Variants in FANCC observed in about 807,000 individuals in gnomAD.
The protein encoded by FANCC is FA complementation group C.
In FANCC, 55 loss-of-function variants were observed where a neutral mutation model predicts 71.3. That is an observed-to-expected ratio of 0.77 (90% CI 0.62 to 0.97). The LOEUF (loss-of-function observed/expected upper bound fraction) is 0.97, where lower values mean the gene tolerates loss of function less well. Ranked by LOEUF, FANCC falls within the 50% of genes least tolerant of loss-of-function variation. The pLI, the probability that FANCC is intolerant of heterozygous loss-of-function variation, is 0.00. For synonymous variants in FANCC, 275 were observed against 244.9 expected (o/e 1.12, Z -1.15); for missense variants, 678 against 670.9 (o/e 1.01, Z -0.12).
intron 1 of FANCC, among the ~76,000 whole-genome samples, chr9:95,260,684 T>TAAAA (rs542398381): frequency 7.7e-6 from 1 of 130,198 alleles, no homozygotes. Context: ...GAACTTAAAA[T>TAAAA]ATAAAAAAAA....
At chr9:95,228,178 G>A (rs1017067097) in intron 4 of FANCC, among the ~76,000 whole-genome samples, 8 of 152,176 alleles carry the variant, frequency 5.3e-5, no homozygotes, top group African/African-American at 1.7e-4. Flanking sequence ...AATGAGGGAT[G>A]GAGGATGAAG....
chr9:95,107,924 T>TA (rs1322092819), intron 13 of FANCC, among the ~76,000 whole-genome samples: 2 of 152,196 alleles, frequency 1.3e-5, no homozygotes, highest in Admixed American at 1.3e-4. Flanking sequence ...TGCTTTTGCA[T>TA]AAAAAATACT....
intron 4 of FANCC, among the ~76,000 whole-genome samples, chr9:95,181,181 GTGTGTGTGTA>G (rs1233458541): frequency 9.5e-6 from 1 of 104,764 alleles, no homozygotes; most frequent in Non-Finnish European, 2.0e-5. Context: ...GTGTGTGTGT[GTGTGTGTGTA>G]TGAAACAAAA....
At chr9:95,138,038 GAGGAGT>G (rs1827981661) in intron 7 of FANCC, among the ~76,000 whole-genome samples, 1 of 152,386 alleles carries the variant, frequency 6.6e-6, no homozygotes, top group Admixed American at 6.5e-5. Context: ...GCAAGGCGCA[GAGGAGT>G]GGGAAAGGCT....
At chr9:95,132,776 G>A (rs1165670459) in intron 8 of FANCC, among the ~76,000 whole-genome samples, 1 of 152,116 alleles carries the variant, frequency 6.6e-6, no homozygotes, top group Non-Finnish European at 1.5e-5. Flanking sequence ...TCAGACCTGC[G>A]AGTCCAAGAG....
At chr9:95,129,508 C>G (rs1010095023) in intron 8 of FANCC, among the ~76,000 whole-genome samples, 2 of 152,196 alleles carry the variant, frequency 1.3e-5, no homozygotes, top group African/African-American at 4.8e-5. Flanking sequence ...GTGGGGCACT[C>G]CGGTAACACA....
intron 4 of FANCC, among the ~76,000 whole-genome samples, chr9:95,228,470 G>A (rs979659926): frequency 3.3e-5 from 5 of 152,116 alleles, no homozygotes; most frequent in African/African-American, 1.2e-4. Flanking sequence ...ACCACATTTT[G>A]CCACAAAAAT....
chr9:95,264,611 T>C (rs1832274289), intron 1 of FANCC, among the ~76,000 whole-genome samples: 1 of 152,118 alleles, frequency 6.6e-6, no homozygotes, highest in Non-Finnish European at 1.5e-5. Context: ...AAGTGCACTT[T>C]TTTCCCATTT....
At chr9:95,261,383 C>T (rs955722265) in intron 1 of FANCC, among the ~76,000 whole-genome samples, 3 of 152,106 alleles carry the variant, frequency 2.0e-5, no homozygotes, top group African/African-American at 7.2e-5. Flanking sequence ...GTGTATGTAC[C>T]TAAATTCATT....
chr9:95,289,475 T>A (rs1588422784), intron 1 of FANCC, among the ~76,000 whole-genome samples: 1 of 152,248 alleles, frequency 6.6e-6, no homozygotes, highest in African/African-American at 2.4e-5. Flanking sequence ...TTCACACTTG[T>A]ATTTCACGGG....
chr9:95,257,504 C>A (rs1831739837), intron 1 of FANCC, among the ~76,000 whole-genome samples: 1 of 152,128 alleles, frequency 6.6e-6, no homozygotes, highest in Non-Finnish European at 1.5e-5. Flanking sequence ...ACACAACGTA[C>A]CAGAATCTCT....
At chr9:95,158,067 C>T (rs1001736918) in intron 6 of FANCC, among the ~76,000 whole-genome samples, 1 of 152,088 alleles carries the variant, frequency 6.6e-6, no homozygotes, top group Admixed American at 6.6e-5. Flanking sequence ...ACCTGCCTGC[C>T]TATTTGAGAC....
intron 1 of FANCC, among the ~76,000 whole-genome samples, chr9:95,316,602 C>T (rs889519811): frequency 6.6e-6 from 1 of 152,162 alleles, no homozygotes; most frequent in African/African-American, 2.4e-5. Flanking sequence ...AAATCAGATG[C>T]CCGGGAGTTT....
chr9:95,259,776 T>A (rs1831907165), intron 1 of FANCC, among the ~76,000 whole-genome samples: 1 of 151,878 alleles, frequency 6.6e-6, no homozygotes, highest in Non-Finnish European at 1.5e-5. Flanking sequence ...TGGGAGAAAA[T>A]TTTTGCAATC....
At chr9:95,108,212 G>A (rs570260602) in intron 13 of FANCC, among the ~76,000 whole-genome samples, 7 of 152,264 alleles carry the variant, frequency 4.6e-5, no homozygotes, top group African/African-American at 1.7e-4. Context: ...GGTGTGTTGT[G>A]TGAGCTCCTC....
At chr9:95,173,383 G>A (rs549308463) in intron 4 of FANCC, among the ~76,000 whole-genome samples, 1 of 152,008 alleles carries the variant, frequency 6.6e-6, no homozygotes, top group African/African-American at 2.4e-5. Flanking sequence ...GACCGATTAC[G>A]GGCTAACAGA....
chr9:95,199,803 C>G (rs1001821136), intron 4 of FANCC, among the ~76,000 whole-genome samples: 1 of 152,112 alleles, frequency 6.6e-6, no homozygotes, highest in Non-Finnish European at 1.5e-5. Flanking sequence ...TTAGGTGAAA[C>G]CTTTCATACT....
At chr9:95,183,444 C>T (rs1286966732) in intron 4 of FANCC, among the ~76,000 whole-genome samples, 1 of 152,226 alleles carries the variant, frequency 6.6e-6, no homozygotes, top group Non-Finnish European at 1.5e-5. Context: ...AAACCAAGAG[C>T]ACAGATTGCT....
chr9:95,255,608 G>T (rs983478507), intron 1 of FANCC, among the ~76,000 whole-genome samples: 13 of 152,066 alleles, frequency 8.5e-5, no homozygotes, highest in Non-Finnish European at 1.9e-4. Context: ...GCACAAAAAG[G>T]CTGAAAATTC....
Sources: allele counts gnomAD v4.1 joint callset (sites outside exome capture counted in the v4.1 genomes callset), GRCh38; gene constraint gnomAD v4.1.1; transcripts MANE v1.5; gene names NCBI Gene and HGNC (gene_info 2026-07-23, HGNC 2026-07-21).